Variants in DAB1 observed in about 807,000 individuals in gnomAD.
DAB1 encodes DAB adaptor protein 1.
A neutral mutation model predicts 64.6 loss-of-function variants in DAB1; 15 were observed. The observed-to-expected ratio is 0.23, with a 90% CI of 0.16 to 0.36. The LOEUF (loss-of-function observed/expected upper bound fraction) is 0.36. Ranked by LOEUF, DAB1 falls within the 10% of genes least tolerant of loss-of-function variation. DAB1 has a pLI of 1.00. For synonymous variants in DAB1, 235 were observed against 251.9 expected (o/e 0.93, Z 0.64); for missense variants, 596 against 706.7 (o/e 0.84, Z 1.78).
At chr1:57,913,784 G>A (rs1217556446) in intron 5 of DAB1, among the ~76,000 whole-genome samples, 2 of 152,144 alleles carry the variant, frequency 1.3e-5, no homozygotes, top group Non-Finnish European at 2.9e-5. Context: ...AGCGGGTGAA[G>A]GATATGAACA....
intron 5 of DAB1, among the ~76,000 whole-genome samples, chr1:57,891,745 G>A (rs1202831): frequency 0.59 from 89,689 of 151,856 alleles, 27,067 homozygotes; most frequent in African/African-American, 0.69. Context: ...AAACACAGGA[G>A]CAGAAAACCA....
intron 1 of DAB1, among the ~76,000 whole-genome samples, chr1:58,540,806 G>A (rs1393164575): frequency 6.8e-6 from 1 of 147,506 alleles, no homozygotes; most frequent in Non-Finnish European, 1.5e-5. Context: ...CGGGGAGGAG[G>A]TGTAGACAGA....
chr1:58,058,206 A>G (rs1648262950), intron 5 of DAB1, among the ~76,000 whole-genome samples: 2 of 152,116 alleles, frequency 1.3e-5, no homozygotes, highest in Admixed American at 6.5e-5. Flanking sequence ...CTACATACTC[A>G]GTACCATTCT....
At chr1:58,411,346 T>C (rs1644666454) in intron 3 of DAB1, among the ~76,000 whole-genome samples, 1 of 152,352 alleles carries the variant, frequency 6.6e-6, no homozygotes, top group African/African-American at 2.4e-5. Context: ...ACCCTTTCTG[T>C]GGCTCAATTT....
At chr1:57,962,787 G>A (rs1645558104) in intron 5 of DAB1, among the ~76,000 whole-genome samples, 1 of 151,222 alleles carries the variant, frequency 6.6e-6, no homozygotes, top group African/African-American at 2.4e-5. Flanking sequence ...GTGGGAGGAT[G>A]ACTTGAGCCT....
chr1:57,566,831 G>A (rs1418350457), intron 7 of DAB1, among the ~76,000 whole-genome samples: 1 of 152,074 alleles, frequency 6.6e-6, no homozygotes, highest in Non-Finnish European at 1.5e-5. Context: ...ATTCACAGCC[G>A]AATTCTACCA....
intron 1 of DAB1, among the ~76,000 whole-genome samples, chr1:57,330,231 G>T (rs530698651): frequency 2.0e-5 from 3 of 152,282 alleles, no homozygotes; most frequent in Admixed American, 1.3e-4. Flanking sequence ...TAAAGGAGGG[G>T]CTTTCCTTGT....
intron 3 of DAB1, among the ~76,000 whole-genome samples, chr1:58,497,286 C>G (rs1379385821): frequency 6.6e-6 from 1 of 152,064 alleles, no homozygotes; most frequent in Non-Finnish European, 1.5e-5. Context: ...GACGTAAGGA[C>G]CAAATGCAAT....
At chr1:58,305,985 C>T (rs944439811) in intron 4 of DAB1, among the ~76,000 whole-genome samples, 1 of 151,870 alleles carries the variant, frequency 6.6e-6, no homozygotes. Flanking sequence ...AGCACCCCCC[C>T]ACCCCCCTCC....
chr1:58,033,245 G>A (rs929435232), intron 5 of DAB1, among the ~76,000 whole-genome samples: 5 of 152,162 alleles, frequency 3.3e-5, no homozygotes, highest in Non-Finnish European at 7.3e-5. Context: ...GTTTGCACAA[G>A]CTGGCTGTAT....
chr1:58,173,487 A>G (rs1289257870), intron 4 of DAB1, among the ~76,000 whole-genome samples: 1 of 152,108 alleles, frequency 6.6e-6, no homozygotes, highest in Non-Finnish European at 1.5e-5. Context: ...CCCCACCACT[A>G]GTGAATGCCT....
At chr1:57,446,109 C>T (rs1354119575) in intron 7 of DAB1, among the ~76,000 whole-genome samples, 5 of 152,152 alleles carry the variant, frequency 3.3e-5, no homozygotes, top group Non-Finnish European at 5.9e-5. Flanking sequence ...TACAGCCATT[C>T]GAGTGTGAAT....
intron 4 of DAB1, among the ~76,000 whole-genome samples, chr1:58,305,672 A>T (rs1308927805): frequency 1.3e-5 from 2 of 152,202 alleles, no homozygotes; most frequent in African/African-American, 4.8e-5. Flanking sequence ...TTCAAAAAAG[A>T]TCAAGTCATC....
At chr1:57,289,904 C>T (rs1239797515) in intron 2 of DAB1, among the ~76,000 whole-genome samples, 2 of 152,090 alleles carry the variant, frequency 1.3e-5, no homozygotes, top group Non-Finnish European at 2.9e-5. Context: ...AGGGGTGAAG[C>T]TTACTGAAAA....
chr1:58,496,679 A>G (rs1233537803), intron 3 of DAB1, among the ~76,000 whole-genome samples: 6 of 151,666 alleles, frequency 4.0e-5, no homozygotes, highest in African/African-American at 1.5e-4. Flanking sequence ...TTTCCTTTCA[A>G]CTCTGTTTTT....
chr1:57,935,146 A>G (rs1444141659), intron 5 of DAB1, among the ~76,000 whole-genome samples: 1 of 152,204 alleles, frequency 6.6e-6, no homozygotes, highest in Non-Finnish European at 1.5e-5. Context: ...CACTTGTAAC[A>G]TACAGCTAGT....
chr1:57,987,779 T>C (rs531761552), intron 5 of DAB1, among the ~76,000 whole-genome samples: 2 of 151,752 alleles, frequency 1.3e-5, no homozygotes, highest in African/African-American at 4.8e-5. Flanking sequence ...GGTGAAGGAG[T>C]TGGGGGAGGG....
At chr1:58,292,201 G>A (rs540880518) in intron 4 of DAB1, among the ~76,000 whole-genome samples, 1 of 152,238 alleles carries the variant, frequency 6.6e-6, no homozygotes, top group Admixed American at 6.5e-5. Flanking sequence ...TGGGTCTCCA[G>A]CTTGCAGATG....
intron 4 of DAB1, among the ~76,000 whole-genome samples, chr1:58,303,896 A>G (rs1662229596): frequency 6.6e-6 from 1 of 152,112 alleles, no homozygotes; most frequent in African/African-American, 2.4e-5. Context: ...GTTTTCATAT[A>G]TTTGGTTTGT....
Sources: gnomAD v4.1 joint callset for allele counts (sites outside exome capture counted in the v4.1 genomes callset) on GRCh38, gnomAD v4.1.1 for gene constraint, MANE v1.5 for transcripts, NCBI Gene and HGNC (gene_info 2026-07-23, HGNC 2026-07-21) for gene names.